GAS7: variants seen among roughly 807,000 people sequenced by gnomAD.
The protein encoded by GAS7 is growth arrest-specific protein 7.
In GAS7, 28 loss-of-function variants were observed where a neutral mutation model predicts 71.1. That is an observed-to-expected ratio of 0.39 (90% confidence interval 0.29 to 0.54). The LOEUF (loss-of-function observed/expected upper bound fraction) is 0.54. Ranked by LOEUF, GAS7 falls within the 20% of genes least tolerant of loss-of-function variation. GAS7 has a pLI of 0.62. For synonymous variants in GAS7, 258 were observed against 245.8 expected (o/e 1.05, Z -0.46); for missense variants, 436 against 627.8 (o/e 0.69, Z 3.27).
At chr17:10,080,069 G>T (rs941022855) in intron 1 of GAS7, among the ~76,000 whole-genome samples, 1 of 152,142 alleles carries the variant, frequency 6.6e-6, no homozygotes. Context: ...TAAGTCACAG[G>T]ATGAGATAGG....
At chr17:10,160,314 G>C (rs961370923) in intron 1 of GAS7, among the ~76,000 whole-genome samples, 5 of 152,092 alleles carry the variant, frequency 3.3e-5, no homozygotes, top group Admixed American at 6.6e-5. Context: ...AGAGATCTAG[G>C]GGGTATTTTT....
intron 1 of GAS7, among the ~76,000 whole-genome samples, chr17:10,072,192 T>C (rs983408115): frequency 1.3e-5 from 2 of 152,076 alleles, no homozygotes; most frequent in African/African-American, 4.8e-5. Context: ...TCTGAAGTCA[T>C]TGGCCCTGAG....
At chr17:10,015,428 A>G (rs1160502684) in intron 2 of GAS7, among the ~76,000 whole-genome samples, 1 of 152,140 alleles carries the variant, frequency 6.6e-6, no homozygotes, top group Non-Finnish European at 1.5e-5. Flanking sequence ...ATGAAATGCC[A>G]CCTGGAGAGC....
intron 1 of GAS7, chr17:10,036,628 T>A: frequency 6.9e-7 from 1 of 1,443,444 alleles, no homozygotes; most frequent in South Asian, 1.5e-5. Flanking sequence ...TTCCTGTGGC[T>A]TTGCTCATTG....
intron 1 of GAS7, among the ~76,000 whole-genome samples, chr17:10,181,900 G>C (rs12942658): frequency 0.16 from 23,844 of 152,108 alleles, 2,449 homozygotes; most frequent in Middle Eastern, 0.24. Flanking sequence ...GCTCATTATA[G>C]GGTAATTATA....
chr17:10,133,649 A>C (rs1028153103), intron 1 of GAS7, among the ~76,000 whole-genome samples: 18 of 151,988 alleles, frequency 1.2e-4, no homozygotes, highest in Admixed American at 1.2e-3. Context: ...TAATCCTCCT[A>C]ACTAAATTTT....
rs987258217 is a variant in GAS7 at position 10,052,219 on chromosome 17, T to C, written c.184-32322A>G. On this transcript the variant is annotated intron_variant, in intron 1 of 13. Transcript: ENST00000432992. Reference sequence around the variant, plus strand: ...TGCAAAAGGCAGTTCCCAAAACACTTTCCCATCATACCTGAGACTCCTCTG... The same window carrying C: ...TGCAAAAGGCAGTTCCCAAAACACTCTCCCATCATACCTGAGACTCCTCTG... 3.9e-5 allele frequency among the ~76,000 whole-genome samples: 6 copies of C among 152,092 alleles called. No homozygotes were observed. In the East Asian group the frequency reaches 5.8e-4, roughly 15 times the overall value.
intron 1 of GAS7, among the ~76,000 whole-genome samples, chr17:10,124,492 C>G (rs951557785): frequency 6.6e-6 from 1 of 152,220 alleles, no homozygotes; most frequent in Non-Finnish European, 1.5e-5. Flanking sequence ...CTGCCTAGCT[C>G]CCACAGCACA....
At chr17:9,986,589 A>G (rs1370977475) in intron 2 of GAS7, among the ~76,000 whole-genome samples, 1 of 152,216 alleles carries the variant, frequency 6.6e-6, no homozygotes, top group Non-Finnish European at 1.5e-5. Context: ...CGGGGGCTGC[A>G]GGAGGCTCTG....
intron 1 of GAS7, among the ~76,000 whole-genome samples, chr17:10,028,042 C>T (rs182937191): frequency 3.0e-4 from 46 of 152,232 alleles, no homozygotes; most frequent in African/African-American, 1.1e-3. Context: ...CACCACCACA[C>T]CCAGCTAATT....
At chr17:10,011,710 C>T (rs1011001862) in intron 2 of GAS7, among the ~76,000 whole-genome samples, 1 of 152,198 alleles carries the variant, frequency 6.6e-6, no homozygotes, top group Non-Finnish European at 1.5e-5. Flanking sequence ...GGTGCGGTGG[C>T]TCATGCCTGT....
chr17:9,957,946 T>G (rs1475120776), intron 5 of GAS7, among the ~76,000 whole-genome samples: 1 of 152,192 alleles, frequency 6.6e-6, no homozygotes, highest in Non-Finnish European at 1.5e-5. Context: ...TGGGTGACCG[T>G]GAGCAAGGTG....
At chr17:10,091,379 G>GA (rs1196724055) in intron 1 of GAS7, among the ~76,000 whole-genome samples, 1 of 151,982 alleles carries the variant, frequency 6.6e-6, no homozygotes, top group Non-Finnish European at 1.5e-5. Flanking sequence ...TTAGAGTGGT[G>GA]ACTTTTTTGG....
intron 2 of GAS7, among the ~76,000 whole-genome samples, chr17:9,985,052 A>C (rs1366549601): frequency 6.6e-6 from 1 of 152,086 alleles, no homozygotes; most frequent in Non-Finnish European, 1.5e-5. Context: ...ACAACCAGGG[A>C]CAGGGCTCAC....
At chr17:10,052,792 G>C (rs2073080396) in intron 1 of GAS7, among the ~76,000 whole-genome samples, 2 of 152,048 alleles carry the variant, frequency 1.3e-5, no homozygotes, top group Non-Finnish European at 2.9e-5. Context: ...CTCACTTTGG[G>C]GCTTTCTCCT....
At chr17:10,065,752 C>T (rs532704799) in intron 1 of GAS7, among the ~76,000 whole-genome samples, 1 of 152,332 alleles carries the variant, frequency 6.6e-6, no homozygotes, top group Non-Finnish European at 1.5e-5. Flanking sequence ...GAGCCACTAT[C>T]AGCTGCCCTC....
chr17:10,004,851 A>G (rs1280169567), intron 2 of GAS7, among the ~76,000 whole-genome samples: 1 of 152,132 alleles, frequency 6.6e-6, no homozygotes, highest in Non-Finnish European at 1.5e-5. Flanking sequence ...CTCTACAAAA[A>G]ATACAAAAAT....
intron 1 of GAS7, among the ~76,000 whole-genome samples, chr17:10,095,720 T>G (rs2073634464): frequency 6.7e-6 from 1 of 148,334 alleles, no homozygotes; most frequent in Admixed American, 6.8e-5. Context: ...CTCGGGAGGC[T>G]AAGGCAGGAG....
At chr17:9,946,850 G>T in intron 6 of GAS7, 44 bp downstream of exon 6, 2 of 1,329,272 alleles carry the variant, frequency 1.5e-6, no homozygotes, top group Non-Finnish European at 2.2e-6. Flanking sequence ...GTCCACTCCC[G>T]GTCACCGGGG....
Sources: gnomAD v4.1 joint callset for allele counts (sites outside exome capture counted in the v4.1 genomes callset) on GRCh38, gnomAD v4.1.1 for gene constraint, MANE v1.5 for transcripts, NCBI Gene and HGNC (gene_info 2026-07-23, HGNC 2026-07-21) for gene names.